The following GAS2 variants were observed in gnomAD, a reference collection of about 807,000 sequenced individuals.
The protein encoded by GAS2 is growth arrest-specific protein 2.
Under a neutral mutation model 37.5 loss-of-function variants are expected in GAS2, and 20 were observed. That is an observed-to-expected ratio of 0.53 (90% CI 0.37 to 0.77). The LOEUF is 0.77. Ranked by LOEUF, GAS2 falls within the 30% of genes least tolerant of loss-of-function variation. The probability of loss-of-function intolerance (pLI) is 0.00; values close to 1 mark genes in which losing one functional copy is unlikely to be tolerated. For missense variants in GAS2, 336 were observed against 373.4 expected, an observed-to-expected ratio of 0.90 and a Z score of 0.82; for synonymous variants, 144 against 132.2, an observed-to-expected ratio of 1.09 and a Z score of -0.61.
rs145535848 is a variant in GAS2, at chr11:22,631,872, A to G, written c.-21+6059A>G. ...ATTCCCTCTTTCTCAATCTTTTGCA[A>G]TAGTTTCAGTAGGATTGTTACCAGT... On this transcript the variant is annotated intron_variant, in intron 1 of 5. Transcript: ENST00000528582. 2.7e-3 allele frequency among the ~76,000 whole-genome samples: 416 copies of G among 151,332 alleles called. 5 individuals carry two copies. The highest frequency in any genetic ancestry group is 9.5e-3 in the African/African-American group (393 of 41,240).
intron 3 of GAS2, among the ~76,000 whole-genome samples, chr11:22,695,977 A>G (rs1036868822): frequency 6.6e-6 from 1 of 151,974 alleles, no homozygotes; most frequent in Non-Finnish European, 1.5e-5. Context: ...GTTTTAGGGT[A>G]CATGTGCACA....
intron 7 of GAS2, among the ~76,000 whole-genome samples, chr11:22,780,793 A>C (rs1855524362): frequency 6.6e-6 from 1 of 152,046 alleles, no homozygotes; most frequent in African/African-American, 2.4e-5. Context: ...TCTCAGGCAA[A>C]AAAATGGAGA....
intron 4 of GAS2, among the ~76,000 whole-genome samples, chr11:22,726,898 C>G (rs1483161115): frequency 1.3e-5 from 2 of 152,046 alleles, no homozygotes; most frequent in African/African-American, 4.8e-5. Context: ...ACAGATTACT[C>G]ATTCATTTAT....
At chr11:22,697,997 G>C (rs1197030858) in intron 3 of GAS2, among the ~76,000 whole-genome samples, 1 of 152,144 alleles carries the variant, frequency 6.6e-6, no homozygotes. Flanking sequence ...TAGGAGTGGT[G>C]AGAGAGGGCA....
At chr11:22,757,381 G>A (rs986073303) in intron 7 of GAS2, among the ~76,000 whole-genome samples, 6 of 151,860 alleles carry the variant, frequency 4.0e-5, no homozygotes, top group Admixed American at 1.3e-4. Context: ...ATCTATTCAT[G>A]CATTATTTAT....
At chr11:22,626,593 T>C (rs919341954) in intron 1 of GAS2, 1 of 152,410 alleles carries the variant, frequency 6.6e-6, no homozygotes, top group Admixed American at 6.5e-5. Flanking sequence ...GAAGGTCCTA[T>C]GTCGCTCACT....
At chr11:22,725,162 A>G (rs1852139994) in intron 3 of GAS2, among the ~76,000 whole-genome samples, 1 of 152,058 alleles carries the variant, frequency 6.6e-6, no homozygotes, top group African/African-American at 2.4e-5. Flanking sequence ...GAAATAATTT[A>G]TTTCTATTAA....
At chr11:22,752,651 G>A (rs1476068511) in intron 6 of GAS2, among the ~76,000 whole-genome samples, 1 of 151,164 alleles carries the variant, frequency 6.6e-6, no homozygotes, top group Non-Finnish European at 1.5e-5. Flanking sequence ...AAAAAGAAAA[G>A]GAGGAGGAAA....
At chr11:22,776,729 G>A (rs1338855104) in intron 7 of GAS2, among the ~76,000 whole-genome samples, 1 of 152,126 alleles carries the variant, frequency 6.6e-6, no homozygotes, top group Non-Finnish European at 1.5e-5. Context: ...GTTGAAGAGA[G>A]TTTCAGAAAA....
upstream of GAS2, among the ~76,000 whole-genome samples, chr11:22,662,965 T>G (rs1848931497): frequency 6.6e-6 from 1 of 152,154 alleles, no homozygotes; most frequent in Admixed American, 6.5e-5. Context: ...AAGAACTACC[T>G]GAGACTGGGT....
At chr11:22,706,522 C>T (rs2134055904) in intron 3 of GAS2, among the ~76,000 whole-genome samples, 1 of 150,828 alleles carries the variant, frequency 6.6e-6, no homozygotes, top group African/African-American at 2.4e-5. Flanking sequence ...GTGTGATGTT[C>T]CCCTTCCTGT....
intron 1 of GAS2, among the ~76,000 whole-genome samples, chr11:22,646,408 G>A (rs568273251): frequency 6.6e-6 from 1 of 152,180 alleles, no homozygotes; most frequent in Admixed American, 6.5e-5. Context: ...CCCTTTTTAT[G>A]CTCTACAATT....
intron 3 of GAS2, among the ~76,000 whole-genome samples, chr11:22,708,158 A>G (rs1851216072): frequency 6.6e-6 from 1 of 152,178 alleles, no homozygotes; most frequent in Non-Finnish European, 1.5e-5. Flanking sequence ...TTGAGACAAT[A>G]TGATGATTAG....
chr11:22,710,509 G>GTATA (rs1287107402), intron 3 of GAS2, among the ~76,000 whole-genome samples: 1 of 52,548 alleles, frequency 1.9e-5, no homozygotes, highest in Non-Finnish European at 6.3e-5. Context: ...GTGTCTGTGT[G>GTATA]TGTCTGTGTG....
chr11:22,769,021 C>T (rs1854838093), intron 7 of GAS2, among the ~76,000 whole-genome samples: 1 of 152,130 alleles, frequency 6.6e-6, no homozygotes, highest in South Asian at 2.1e-4. Context: ...ATGCTAAGAT[C>T]TTAAGGAACT....
rs770276908 is a variant in GAS2 at position 22,811,922 on chromosome 11, C to CT, written c.849dup (p.Ile284TyrfsTer15). The CT allele has an allele frequency of 6.2e-7, 1 of 1,614,122 alleles. No individual in the cohort carries two copies. Among genetic ancestry groups the CT allele is most frequent in the Non-Finnish European group, 8.5e-7 (1 of 1,179,998 alleles). ...TCCCGTGTGGATGGCAAAACATCCC[C>CT]TATCCAAAGCAAATCTCCAACTCTA... On this transcript the variant is annotated frameshift_variant, in exon 8 of 8. Transcript: ENST00000454584. LOFTEE classifies it high-confidence loss of function.
At chr11:22,693,366 GA>G (rs948908355) in intron 3 of GAS2, among the ~76,000 whole-genome samples, 17 of 152,074 alleles carry the variant, frequency 1.1e-4, no homozygotes, top group African/African-American at 3.9e-4. Flanking sequence ...CTGTAACATC[GA>G]TTCTGATTAA....
chr11:22,689,728 G>A (rs1315363294), intron 3 of GAS2, among the ~76,000 whole-genome samples: 2 of 152,084 alleles, frequency 1.3e-5, no homozygotes, highest in Non-Finnish European at 2.9e-5. Context: ...AGGTAATTAG[G>A]ATTACAGTGA....
chr11:22,708,945 T>C (rs574979752), intron 3 of GAS2, among the ~76,000 whole-genome samples: 19 of 152,118 alleles, frequency 1.2e-4, no homozygotes, highest in African/African-American at 2.9e-4. Context: ...AAGCCTGTGG[T>C]GGGAGGCAGG....
Sources: gnomAD v4.1 joint callset for allele counts (sites outside exome capture counted in the v4.1 genomes callset) on GRCh38, gnomAD v4.1.1 for gene constraint, MANE v1.5 for transcripts, NCBI Gene and HGNC (gene_info 2026-07-23, HGNC 2026-07-21) for gene names.